CNTN5: variants seen among roughly 807,000 people sequenced by gnomAD.
CNTN5 encodes contactin 5, also known as contactin-5.
A neutral mutation model predicts 129.1 loss-of-function variants in CNTN5; 77 were observed. That is an observed-to-expected ratio of 0.60 (90% CI 0.50 to 0.72). The LOEUF (loss-of-function observed/expected upper bound fraction) is 0.72. CNTN5 is among the 30% of genes least tolerant of loss of function. The pLI, the probability that CNTN5 is intolerant of heterozygous loss-of-function variation, is 0.00. For synonymous variants in CNTN5, 509 were observed against 465.6 expected, an observed-to-expected ratio of 1.09 and a Z score of -1.20; for missense variants, 1,478 against 1,328.8, an observed-to-expected ratio of 1.11 and a Z score of -1.75.
intron 18 of CNTN5, among the ~76,000 whole-genome samples, chr11:100,285,964 G>A (rs1417177563): frequency 6.6e-6 from 1 of 152,230 alleles, no homozygotes; most frequent in East Asian, 1.9e-4. Context: ...GGGTCAGGGA[G>A]CTCCCTTTCC....
chr11:99,347,013 C>T (rs1241420928), intron 2 of CNTN5, among the ~76,000 whole-genome samples: 1 of 152,222 alleles, frequency 6.6e-6, no homozygotes, highest in African/African-American at 2.4e-5. Context: ...ATGTCATTGA[C>T]TGATATGAGA....
chr11:99,585,128 A>G (rs1949750155), intron 3 of CNTN5, among the ~76,000 whole-genome samples: 2 of 152,236 alleles, frequency 1.3e-5, no homozygotes, highest in African/African-American at 4.8e-5. Context: ...CACATGGATA[A>G]AAGATCTAAT....
At chr11:99,376,890 T>A (rs923597584) in intron 2 of CNTN5, among the ~76,000 whole-genome samples, 1 of 152,160 alleles carries the variant, frequency 6.6e-6, no homozygotes, top group Non-Finnish European at 1.5e-5. Context: ...TTTTACATGA[T>A]TTAGCTAGTA....
rs377484053 is a variant in CNTN5, at chr11:100,288,987, G to A, written c.2315-8638G>A. Among the ~76,000 whole-genome samples the A allele has an allele frequency of 3.7e-4, 56 of 152,144 alleles. No homozygotes were observed. In the East Asian group the frequency reaches 5.8e-3, roughly 16 times the overall value. On this transcript the variant is annotated intron_variant, in intron 18 of 24. Coordinates refer to ENST00000524871, the MANE Select transcript of CNTN5 (RefSeq NM_014361.4). ...CAGAGAATACTACAAACACCTCTAC[G>A]CAAATAAACTAGAAAATCTAGAAGA...
intron 1 of CNTN5, among the ~76,000 whole-genome samples, chr11:99,145,467 A>G (rs1265874135): frequency 1.3e-5 from 2 of 152,002 alleles, no homozygotes; most frequent in African/African-American, 4.8e-5. Context: ...TAGTCTACAT[A>G]TAATTTCTTG....
At chr11:99,375,271 C>T (rs1277329692) in intron 2 of CNTN5, among the ~76,000 whole-genome samples, 4 of 135,110 alleles carry the variant, frequency 3.0e-5, no homozygotes, top group African/African-American at 1.1e-4. Context: ...CCACAGCACT[C>T]CAGCCTGGGT....
intron 21 of CNTN5, among the ~76,000 whole-genome samples, chr11:100,312,989 C>A (rs779420403): frequency 6.6e-6 from 1 of 151,888 alleles, no homozygotes. Flanking sequence ...AAAGGTATAG[C>A]AAACCTGGTT....
intron 8 of CNTN5, among the ~76,000 whole-genome samples, chr11:100,001,050 A>T (rs1939836832): frequency 6.6e-6 from 1 of 152,178 alleles, no homozygotes. Context: ...AGATCTCTGA[A>T]ATTCCATGGA....
intron 13 of CNTN5, among the ~76,000 whole-genome samples, chr11:100,190,568 C>A (rs536702473): frequency 1.3e-5 from 2 of 151,994 alleles, no homozygotes; most frequent in Non-Finnish European, 2.9e-5. Flanking sequence ...ATATCATATT[C>A]TTATGTTTAG....
intron 2 of CNTN5, among the ~76,000 whole-genome samples, chr11:99,484,345 C>T (rs1386474315): frequency 2.0e-5 from 3 of 152,030 alleles, no homozygotes; most frequent in South Asian, 2.1e-4. Flanking sequence ...CTCACCCCTA[C>T]TAGAATAGCA....
In CNTN5 at chr11:99,177,905, G is replaced by T. The variant is rs890204819; in HGVS notation, c.-209-147441G>T. Among the ~76,000 whole-genome samples, 8 of 152,064 alleles carry T rather than the reference G, an allele frequency of 5.3e-5. No individual in the cohort carries two copies. In the East Asian group the frequency reaches 1.3e-3, roughly 26 times the overall value. On this transcript the variant is annotated intron_variant, in intron 1 of 24. Transcript: ENST00000524871. Reference sequence around the variant, plus strand: ...TCAAAGAAATTCTATAGAGTTCAGAGACTAAGATTAACATCAAAAGCAGCA... The same window carrying T: ...TCAAAGAAATTCTATAGAGTTCAGATACTAAGATTAACATCAAAAGCAGCA...
At chr11:99,693,408 A>C (rs1353626787) in intron 3 of CNTN5, among the ~76,000 whole-genome samples, 1 of 152,092 alleles carries the variant, frequency 6.6e-6, no homozygotes, top group Non-Finnish European at 1.5e-5. Context: ...TACATAGTAC[A>C]AAAGAAGTTA....
chr11:99,926,548 T>G (rs1950067066), intron 7 of CNTN5, among the ~76,000 whole-genome samples: 3 of 152,246 alleles, frequency 2.0e-5, no homozygotes, highest in East Asian at 3.9e-4. Flanking sequence ...AAATCATAAT[T>G]TAAAATGATG....
chr11:99,042,442 C>G (rs567945862), intron 1 of CNTN5, among the ~76,000 whole-genome samples: 223 of 132,934 alleles, frequency 1.7e-3, no homozygotes, highest in Non-Finnish European at 2.5e-3. Flanking sequence ...GTGGCGCAAT[C>G]TCGGCTCACT....
chr11:99,169,795 C>A (rs1040831861), intron 1 of CNTN5, among the ~76,000 whole-genome samples: 3 of 152,040 alleles, frequency 2.0e-5, no homozygotes, highest in Non-Finnish European at 4.4e-5. Context: ...TATACATAAT[C>A]CTCACCTCAG....
At chr11:99,183,684 C>T (rs1858197889) in intron 1 of CNTN5, among the ~76,000 whole-genome samples, 1 of 152,038 alleles carries the variant, frequency 6.6e-6, no homozygotes, top group Admixed American at 6.6e-5. Context: ...ATACCATTTG[C>T]TCAGGTAATC....
At chr11:99,572,804 A>G (rs1226227076) in intron 3 of CNTN5, among the ~76,000 whole-genome samples, 3 of 152,080 alleles carry the variant, frequency 2.0e-5, no homozygotes, top group African/African-American at 7.2e-5. Context: ...ACAGTGAATG[A>G]TTGTGGGTAG....
At chr11:99,180,371 G>T (rs926039754) in intron 1 of CNTN5, among the ~76,000 whole-genome samples, 1 of 152,130 alleles carries the variant, frequency 6.6e-6, no homozygotes, top group Non-Finnish European at 1.5e-5. Flanking sequence ...GTGCACAGGC[G>T]AGGAGAGGTC....
chr11:99,473,016 G>T (rs574584858), intron 2 of CNTN5, among the ~76,000 whole-genome samples: 1 of 152,082 alleles, frequency 6.6e-6, no homozygotes, highest in South Asian at 2.1e-4. Context: ...ATAAATATTC[G>T]AATTAATTAA....
Sources: gnomAD v4.1 joint callset for allele counts (sites outside exome capture counted in the v4.1 genomes callset) on GRCh38, gnomAD v4.1.1 for gene constraint, MANE v1.5 for transcripts, NCBI Gene and HGNC (gene_info 2026-07-23, HGNC 2026-07-21) for gene names.